AHCYL2: variants seen among roughly 807,000 people sequenced by gnomAD.
AHCYL2 encodes adenosylhomocysteinase like 2.
AHCYL2 carries 28 observed loss-of-function variants against 81.4 expected under a neutral mutation model. That is an observed-to-expected ratio of 0.34 (90% confidence interval 0.25 to 0.47). AHCYL2 has a LOEUF of 0.47. Ranked by LOEUF, AHCYL2 falls within the 20% of genes least tolerant of loss-of-function variation. The pLI, the probability that AHCYL2 is intolerant of heterozygous loss-of-function variation, is 1.00. For missense variants in AHCYL2, 551 were observed against 785.1 expected (o/e 0.70, Z 3.56); for synonymous variants, 272 against 290.2 (o/e 0.94, Z 0.64).
At chr7:129,244,787 A>AT (rs1794989915) in intron 1 of AHCYL2, among the ~76,000 whole-genome samples, 1 of 152,140 alleles carries the variant, frequency 6.6e-6, no homozygotes, top group Admixed American at 6.5e-5. Flanking sequence ...CCGCCTTCTG[A>AT]TATCCAGATC....
At position 129,403,606 on chromosome 7, in the gene AHCYL2, G is replaced by A. The variant is rs747593719; in HGVS notation, c.1025+121G>A. The A allele has an allele frequency of 5.0e-5, 24 of 477,592 alleles. No homozygotes were observed. The Admixed American group carries it at 6.6e-4, about 13-fold the overall frequency. 29.6% of individuals were successfully genotyped at this position (477,592 alleles called of 1,614,324 possible). ...GGGCCAGGCGCGGTGGCTCACGCCT[G>A]TAATCCCAGCACTTTGGGAGGCTGA... On this transcript the variant is annotated intron_variant, in intron 7 of 16. Coordinates refer to ENST00000325006, the MANE Select transcript of AHCYL2 (RefSeq NM_015328.4).
At chr7:129,385,809 C>T (rs908074856) in intron 2 of AHCYL2, among the ~76,000 whole-genome samples, 5 of 152,046 alleles carry the variant, frequency 3.3e-5, no homozygotes, top group African/African-American at 1.2e-4. Flanking sequence ...TGACTCTGGG[C>T]TTTAGAGTAT....
chr7:129,366,817 A>G lies in AHCYL2; in HGVS notation c.364-12821A>G, dbSNP rs531633732. Among the ~76,000 whole-genome samples the G allele has an allele frequency of 2.6e-5, 4 of 152,202 alleles. No homozygotes were observed. In the East Asian group the frequency reaches 5.8e-4, roughly 22 times the overall value. Reference sequence around the variant, plus strand: ...AGTTTATAGAAAGTTTATTTTGCCAAGATTGAGGATGTGCACTCATGACAC... The same window carrying G: ...AGTTTATAGAAAGTTTATTTTGCCAGGATTGAGGATGTGCACTCATGACAC... On this transcript the variant is annotated intron_variant, in intron 1 of 16. Transcript: ENST00000325006.
chr7:129,399,363 C>T (rs1411585689), intron 5 of AHCYL2, among the ~76,000 whole-genome samples: 2 of 151,196 alleles, frequency 1.3e-5, no homozygotes, highest in Non-Finnish European at 2.9e-5. Flanking sequence ...AGGAGAATCG[C>T]TTGAACCCAG....
At chr7:129,256,145 C>G (rs373007391) in intron 1 of AHCYL2, among the ~76,000 whole-genome samples, 22 of 152,116 alleles carry the variant, frequency 1.4e-4, no homozygotes, top group Middle Eastern at 3.4e-3. Context: ...TAATAAATAC[C>G]GTCTACCTGG....
At position 129,225,050 on chromosome 7, in the gene AHCYL2, G is replaced by C. The variant is rs1563156110; in HGVS notation, c.-27G>C. The stretch of plus-strand genomic sequence containing the variant: ...CGACCAAGAGCAGGAGCTGGAGTCT[G>C]AGCCGGTGGTTGCAGCGGAGGCGGT... On this transcript the variant is annotated 5_prime_UTR_variant, in exon 1 of 17. Transcript: ENST00000325006. 6.4e-7 allele frequency: 1 copy of C among 1,571,212 alleles called. No individual in the cohort carries two copies. The highest frequency in any genetic ancestry group is 1.2e-5 in the South Asian group (1 of 85,706).
chr7:129,424,631 C>G lies in AHCYL2; in HGVS notation c.1561-243C>G, dbSNP rs112859656. ...ATAAGCCTCAGTGTCATATGACCAT[C>G]TGTATTCCTTTTTAAATAATTCCAG... On this transcript the variant is annotated intron_variant, in intron 13 of 16. Transcript: ENST00000325006. The G allele has an allele frequency of 4.4e-5, 25 of 566,070 alleles. 1 individual carries two copies. The highest frequency in any genetic ancestry group is 2.6e-4 in the African/African-American group (14 of 53,280). The allele number at this position is 566,070 out of a possible 1,614,324, so 35.1% of individuals were successfully genotyped here. A position where few individuals can be genotyped will look rare whatever the true frequency, so the allele number is the denominator to read the frequency against.
intron 1 of AHCYL2, among the ~76,000 whole-genome samples, chr7:129,369,556 T>G (rs897026004): frequency 2.0e-5 from 3 of 150,306 alleles, no homozygotes; most frequent in Non-Finnish European, 3.0e-5. Context: ...TCAGGTTTTT[T>G]TTTTTTTTTT....
intron 6 of AHCYL2, among the ~76,000 whole-genome samples, chr7:129,401,348 C>G (rs376362171): frequency 2.8e-5 from 4 of 141,188 alleles, no homozygotes; most frequent in Admixed American, 7.0e-5. Flanking sequence ...TGCCCCCCCC[C>G]AAAAAAGCTA....
chr7:129,247,105 G>A (rs904748492), intron 1 of AHCYL2, among the ~76,000 whole-genome samples: 2 of 152,136 alleles, frequency 1.3e-5, no homozygotes, highest in African/African-American at 4.8e-5. Flanking sequence ...GCTGGGTTGT[G>A]TGTTACATTT....
At chr7:129,423,169 C>A (rs1797194864) in intron 13 of AHCYL2, among the ~76,000 whole-genome samples, 2 of 152,196 alleles carry the variant, frequency 1.3e-5, no homozygotes, top group African/African-American at 2.4e-5. Flanking sequence ...CGTCAATCCA[C>A]AGGTTGAGTT....
chr7:129,257,444 A>C (rs2150711187), intron 1 of AHCYL2, among the ~76,000 whole-genome samples: 1 of 152,236 alleles, frequency 6.6e-6, no homozygotes, highest in South Asian at 2.1e-4. Flanking sequence ...GGCAAAGACT[A>C]GCAGAAGAGA....
intron 1 of AHCYL2, among the ~76,000 whole-genome samples, chr7:129,233,680 G>A (rs576171572): frequency 5.3e-5 from 8 of 152,230 alleles, no homozygotes; most frequent in Admixed American, 2.0e-4. Flanking sequence ...TAGAGATGGC[G>A]TTTCACCGTG....
At position 129,412,374 on chromosome 7, in the gene AHCYL2, G is replaced by A. The variant is rs973904018; in HGVS notation, c.1367-1220G>A. Among the ~76,000 whole-genome samples the A allele has an allele frequency of 9.4e-5, 14 of 148,632 alleles. No individual in the cohort carries two copies. The East Asian group carries it at 1.6e-3, about 17-fold the overall frequency. ...TGGCTCACTGCAACTTCCACCTCCCGTGTGCAAGGGATTCTCCTGCCTCAG... is the reference window on the plus strand; with the variant it reads ...TGGCTCACTGCAACTTCCACCTCCCATGTGCAAGGGATTCTCCTGCCTCAG... On this transcript the variant is annotated intron_variant, in intron 11 of 16. Transcript: ENST00000325006.
At chr7:129,241,258 C>T (rs1316313450) in intron 1 of AHCYL2, among the ~76,000 whole-genome samples, 1 of 152,150 alleles carries the variant, frequency 6.6e-6, no homozygotes, top group African/African-American at 2.4e-5. Flanking sequence ...TCTCTTGTTG[C>T]CTGGCACACG....
intron 1 of AHCYL2, among the ~76,000 whole-genome samples, chr7:129,358,176 G>A (rs1237092883): frequency 6.6e-6 from 1 of 151,958 alleles, no homozygotes; most frequent in Non-Finnish European, 1.5e-5. Flanking sequence ...GGCGGATCAC[G>A]AGGTCAGGAG....
intron 5 of AHCYL2, among the ~76,000 whole-genome samples, chr7:129,398,949 G>A (rs1034044911): frequency 6.6e-6 from 1 of 151,652 alleles, no homozygotes; most frequent in Admixed American, 6.6e-5. Flanking sequence ...CAAGACCAGC[G>A]TGGCCAACAT....
In AHCYL2 at chr7:129,342,091, T is replaced by G. The variant is rs1793205575; in HGVS notation, c.364-37547T>G. On this transcript the variant is annotated intron_variant, in intron 1 of 16. Transcript: ENST00000325006. Reference sequence around the variant, plus strand: ...AGAACAGAAAGTAAATAGAAAGAGTTTAATAAGAAGGAGACAGAGCAGGCA... The same window carrying G: ...AGAACAGAAAGTAAATAGAAAGAGTGTAATAAGAAGGAGACAGAGCAGGCA... Among the ~76,000 whole-genome samples the G allele has an allele frequency of 2.0e-5, 3 of 152,048 alleles. No individual in the cohort carries two copies. In the South Asian group the frequency reaches 6.2e-4, roughly 31 times the overall value.
At chr7:129,320,515 C>T (rs1407332878) in intron 1 of AHCYL2, among the ~76,000 whole-genome samples, 1 of 152,132 alleles carries the variant, frequency 6.6e-6, no homozygotes, top group Non-Finnish European at 1.5e-5. Flanking sequence ...TGCGGTTTCA[C>T]CATGTTAGCC....
Sources: gnomAD v4.1 joint callset for allele counts (sites outside exome capture counted in the v4.1 genomes callset) on GRCh38, gnomAD v4.1.1 for gene constraint, MANE v1.5 for transcripts, NCBI Gene and HGNC (gene_info 2026-07-23, HGNC 2026-07-21) for gene names.